The following ARID1B variants were observed in gnomAD, a reference collection of about 807,000 sequenced individuals.
ARID1B encodes the protein AT-rich interactive domain-containing protein 1B.
ARID1B carries 30 observed loss-of-function variants against 212.3 expected under a neutral mutation model. That is an observed-to-expected ratio of 0.14 (90% CI 0.11 to 0.19). The LOEUF (loss-of-function observed/expected upper bound fraction) is 0.19. Among genes scored for constraint, ARID1B ranks in the 10% least tolerant of loss-of-function variants. The pLI, the probability that ARID1B is intolerant of heterozygous loss-of-function variation, is 1.00. For synonymous variants in ARID1B, 1,402 were observed against 1,301.7 expected, an observed-to-expected ratio of 1.08 and a Z score of -1.66; for missense variants, 2,891 against 3,204.0, an observed-to-expected ratio of 0.90 and a Z score of 2.36.
chr6:157,023,887 G>A (rs1049003426), intron 4 of ARID1B: 1 of 152,228 alleles, frequency 6.6e-6, no homozygotes, highest in African/African-American at 2.4e-5. Context: ...CAAGTGAGAT[G>A]TCAAGCAAGT....
At chr6:156,988,805 A>G (rs1366849573) in intron 4 of ARID1B, among the ~76,000 whole-genome samples, 1 of 152,156 alleles carries the variant, frequency 6.6e-6, no homozygotes, top group Non-Finnish European at 1.5e-5. Flanking sequence ...CCTTCTTCCT[A>G]TGCACCTGGA....
At chr6:156,818,098 ATTTTTT>A (rs71027317) in intron 1 of ARID1B, among the ~76,000 whole-genome samples, 25 of 61,330 alleles carry the variant, frequency 4.1e-4, no homozygotes, top group Admixed American at 1.7e-3. Flanking sequence ...TAGTTGCCCT[ATTTTTT>A]TTTTTTTTTT....
chr6:157,048,843 A>G (rs1035142884), intron 4 of ARID1B, among the ~76,000 whole-genome samples: 1 of 152,192 alleles, frequency 6.6e-6, no homozygotes, highest in African/African-American at 2.4e-5. Flanking sequence ...TGCAGCCCGC[A>G]GTGGCTCTGT....
At chr6:156,869,671 A>G (rs1785968827) in intron 2 of ARID1B, among the ~76,000 whole-genome samples, 2 of 152,350 alleles carry the variant, frequency 1.3e-5, no homozygotes, top group African/African-American at 4.8e-5. Context: ...TGGAAGCTAC[A>G]GGAATTAATA....
rs1177068600 is a variant in ARID1B, at chr6:156,955,939, T to C, written c.2247+20363T>C. On this transcript the variant is annotated intron_variant, in intron 4 of 19. Coordinates refer to ENST00000636930, the MANE Select transcript of ARID1B (RefSeq NM_001374828.1). The surrounding 1 kb of genome is among the most constrained non-coding windows in gnomAD (Gnocchi z 4.2). Reference sequence around the variant, plus strand: ...CCGCGCCTGTTCTATTTCCTCACCTTCCTGTGTTCATCTGTGTATCTGCCA... The same window carrying C: ...CCGCGCCTGTTCTATTTCCTCACCTCCCTGTGTTCATCTGTGTATCTGCCA... 6.6e-6 allele frequency among the ~76,000 whole-genome samples: 1 copy of C among 152,156 alleles called. No individual in the cohort carries two copies. Among genetic ancestry groups the C allele is most frequent in the Non-Finnish European group, 1.5e-5 (1 of 68,026 alleles).
At chr6:156,948,904 A>G (rs1793370579) in intron 4 of ARID1B, among the ~76,000 whole-genome samples, 1 of 152,240 alleles carries the variant, frequency 6.6e-6, no homozygotes, top group Non-Finnish European at 1.5e-5. Context: ...TGCAGAATTC[A>G]TACTTTCAGC....
In ARID1B at chr6:156,919,625, A is replaced by G. The variant is rs576986908; in HGVS notation, c.2137-15841A>G. Among the ~76,000 whole-genome samples the G allele has an allele frequency of 7.7e-4, 118 of 152,312 alleles. 2 individuals carry two copies. The highest frequency in any genetic ancestry group is 2.8e-3 in the African/African-American group (115 of 41,566). ...GTGGAGGAGATCACATCAGCTGGGC[A>G]TGACTGTCTACCATGGAGGCAGGAG... On this transcript the variant is annotated intron_variant, in intron 3 of 19. Transcript: ENST00000636930.
chr6:156,871,833 G>C (rs895136537), intron 2 of ARID1B, among the ~76,000 whole-genome samples: 4 of 152,190 alleles, frequency 2.6e-5, no homozygotes, highest in Non-Finnish European at 5.9e-5. Context: ...GGTCCTTCCA[G>C]GGCCTCCTGG....
chr6:157,059,861 C>T (rs1783229145), intron 4 of ARID1B, among the ~76,000 whole-genome samples: 3 of 152,174 alleles, frequency 2.0e-5, no homozygotes, highest in African/African-American at 7.2e-5. Context: ...AGATAGAATG[C>T]ATTTTGTTTT....
chr6:157,159,033 T>C (rs758538320), intron 8 of ARID1B, among the ~76,000 whole-genome samples: 26 of 152,190 alleles, frequency 1.7e-4, no homozygotes, highest in African/African-American at 5.8e-4. Flanking sequence ...CCCAAAGTTC[T>C]GGAGAGTCAT....
chr6:156,837,824 C>T (rs952089641), intron 2 of ARID1B, among the ~76,000 whole-genome samples: 1 of 152,206 alleles, frequency 6.6e-6, no homozygotes, highest in Non-Finnish European at 1.5e-5. Context: ...GAGAGCCTTG[C>T]TTAATCCAGG....
intron 2 of ARID1B, among the ~76,000 whole-genome samples, chr6:156,849,310 T>C (rs1275590438): frequency 6.6e-6 from 1 of 152,230 alleles, no homozygotes; most frequent in Non-Finnish European, 1.5e-5. Context: ...AAGAGTTTTA[T>C]ATACTAAATC....
At chr6:157,075,301 A>G (rs988887729) in intron 4 of ARID1B, among the ~76,000 whole-genome samples, 3 of 152,252 alleles carry the variant, frequency 2.0e-5, no homozygotes, top group African/African-American at 7.2e-5. Context: ...TAGTCTCCAT[A>G]AAACATTTCC....
Position 157,174,927 on chromosome 6 carries a change from T to C in ARID1B, c.3426T>C (p.Ser1142=). 1 of 1,545,136 alleles carries C rather than the reference T, an allele frequency of 6.5e-7. No individual in the cohort carries two copies. The highest frequency in any genetic ancestry group is 1.2e-5 in the South Asian group (1 of 81,728). The change falls in exon 11 of 20, where the codon TCT becomes TCC. Residue 1142 remains serine (S), a synonymous_variant. Coordinates refer to ENST00000636930, the MANE Select transcript of ARID1B (RefSeq NM_001374828.1). ...LPVPSPMSPS[S]ASISSFHGDE... ...TCCCTTCCCCAATGTCCCCCAGCTCTGCTAGCATCTCCTCATTTCATGGAG... is the reference window on the plus strand; with the variant it reads ...TCCCTTCCCCAATGTCCCCCAGCTCCGCTAGCATCTCCTCATTTCATGGAG...
chr6:157,049,471 CAGG>C (rs550705920), intron 4 of ARID1B, among the ~76,000 whole-genome samples: 13 of 152,164 alleles, frequency 8.5e-5, no homozygotes, highest in Non-Finnish European at 1.8e-4. Context: ...TTAAGTCCTA[CAGG>C]AGATTTCTTT....
At chr6:157,145,234 C>T (rs963381200) in intron 7 of ARID1B, among the ~76,000 whole-genome samples, 4 of 152,174 alleles carry the variant, frequency 2.6e-5, no homozygotes, top group Admixed American at 6.5e-5. Flanking sequence ...GTCCCAAGAC[C>T]GGTCTGTATC....
intron 4 of ARID1B, among the ~76,000 whole-genome samples, chr6:157,050,799 T>A (rs1782549840): frequency 6.6e-6 from 1 of 152,242 alleles, no homozygotes; most frequent in African/African-American, 2.4e-5. Flanking sequence ...TATGATGTGC[T>A]ATGTAATAGT....
At chr6:157,122,321 C>G (rs1254044146) in intron 6 of ARID1B, among the ~76,000 whole-genome samples, 2 of 152,174 alleles carry the variant, frequency 1.3e-5, no homozygotes, top group Non-Finnish European at 2.9e-5. Context: ...TTCACTGATG[C>G]TAATATTACT....
At chr6:157,061,315 T>C (rs1419880878) in intron 4 of ARID1B, among the ~76,000 whole-genome samples, 1 of 152,202 alleles carries the variant, frequency 6.6e-6, no homozygotes, top group Non-Finnish European at 1.5e-5. Flanking sequence ...ATAGTAAATA[T>C]CTCAAAGCGG....
Sources: allele counts gnomAD v4.1 joint callset (sites outside exome capture counted in the v4.1 genomes callset), GRCh38; gene constraint gnomAD v4.1.1; non-coding constraint Gnocchi (gnomAD v3.1); transcripts MANE v1.5; gene names NCBI Gene and HGNC (gene_info 2026-07-23, HGNC 2026-07-21).